Variants in CRIPTO observed in about 807,000 individuals in gnomAD.
CRIPTO encodes cripto, EGF-CFC family member.
At chr3:46,581,239 A>T in the CRIPTO span, 8 of 1,612,206 alleles carry the variant, frequency 5.0e-6, no homozygotes, top group Non-Finnish European at 5.9e-6. Context: ...TTCTATACAA[A>T]GCTACTATTA....
At chr3:46,581,049 C>T in the CRIPTO span, 174 of 993,816 alleles carry the variant, frequency 1.8e-4, 1 homozygote, top group African/African-American at 2.1e-3. Context: ...TTCACAGTAG[C>T]GTATAGATAT....
At chr3:46,578,856 T>A in the CRIPTO span, among the ~76,000 whole-genome samples, 3 of 152,164 alleles carry the variant, frequency 2.0e-5, no homozygotes, top group African/African-American at 7.2e-5. Context: ...ATTAGGTACT[T>A]ATGTGAGGAC....
the CRIPTO span, chr3:46,581,663 C>G: frequency 1.9e-6 from 1 of 513,354 alleles, no homozygotes; most frequent in African/African-American, 2.0e-5. Flanking sequence ...GCATGTGTCA[C>G]CATGCCCAGC....
At chr3:46,576,358 CTCAGGAGGTTGAG>C in the CRIPTO span, among the ~76,000 whole-genome samples, 1 of 151,508 alleles carries the variant, frequency 6.6e-6, no homozygotes. Context: ...ATCCCAGCTA[CTCAGGAGGTTGAG>C]GCAGGAGAAT....
At chr3:46,579,904 G>A in the CRIPTO span, 1 of 1,614,220 alleles carries the variant, frequency 6.2e-7, no homozygotes, top group East Asian at 2.2e-5. Context: ...AGAAAGGGAA[G>A]TGGAAATTTC....
chr3:46,578,934 C>T, the CRIPTO span, among the ~76,000 whole-genome samples: 1 of 151,368 alleles, frequency 6.6e-6, no homozygotes, highest in African/African-American at 2.4e-5. Flanking sequence ...CAACATTTTT[C>T]TTTGTTACAT....
At chr3:46,580,114 G>C in the CRIPTO span, 1 of 1,612,320 alleles carries the variant, frequency 6.2e-7, no homozygotes, top group Non-Finnish European at 8.5e-7. Flanking sequence ...TAGTTGCCTT[G>C]GGGGGTGCTT....
At chr3:46,580,898 G>T in the CRIPTO span, among the ~76,000 whole-genome samples, 1 of 152,172 alleles carries the variant, frequency 6.6e-6, no homozygotes, top group Non-Finnish European at 1.5e-5. Flanking sequence ...GTGTGGGTTG[G>T]GTGATTGGAT....
At chr3:46,580,126 G>A in the CRIPTO span, 2 of 1,605,716 alleles carry the variant, frequency 1.2e-6, no homozygotes, top group African/African-American at 2.7e-5. Context: ...GGGGTGCTTA[G>A]TTAGCAGGCT....
the CRIPTO span, chr3:46,580,226 C>G: frequency 1.2e-6 from 1 of 860,846 alleles, no homozygotes; most frequent in East Asian, 2.7e-5. Flanking sequence ...GTTGCCTTGG[C>G]CTCTTTGATA....
chr3:46,575,015 T>C, the CRIPTO span, among the ~76,000 whole-genome samples: 3 of 152,214 alleles, frequency 2.0e-5, no homozygotes, highest in East Asian at 3.9e-4. Context: ...CTGCCTGTGA[T>C]TGGGGAACCC....
chr3:46,575,847 G>A, the CRIPTO span, among the ~76,000 whole-genome samples: 29,763 of 152,154 alleles, frequency 0.2, 3,603 homozygotes, highest in South Asian at 0.3. Context: ...GGACTGGTGA[G>A]GACTGTGGTG....
At chr3:46,576,922 G>A in the CRIPTO span, among the ~76,000 whole-genome samples, 1 of 152,134 alleles carries the variant, frequency 6.6e-6, no homozygotes, top group Non-Finnish European at 1.5e-5. Context: ...AGAGTCCGGG[G>A]GTAATTCTCG....
At chr3:46,578,123 A>G in the CRIPTO span, 1 of 1,073,288 alleles carries the variant, frequency 9.3e-7, no homozygotes, top group Non-Finnish European at 1.4e-6. Flanking sequence ...AGAGCTGCCA[A>G]CCGCACTGCT....
At chr3:46,581,669 C>T in the CRIPTO span, 1 of 505,686 alleles carries the variant, frequency 2.0e-6, no homozygotes, top group Non-Finnish European at 3.4e-6. Flanking sequence ...GTCACCATGC[C>T]CAGCTAATTT....
the CRIPTO span, among the ~76,000 whole-genome samples, chr3:46,574,786 C>T: frequency 2.6e-5 from 4 of 152,172 alleles, no homozygotes; most frequent in African/African-American, 9.7e-5. Context: ...GAATTTTAGG[C>T]AGACACAGGA....
chr3:46,580,999 T>C, the CRIPTO span: 4 of 722,636 alleles, frequency 5.5e-6, no homozygotes, highest in Non-Finnish European at 1.0e-5. Context: ...GCATCACCAC[T>C]GGGCTAGGTT....
chr3:46,577,476 C>T, the CRIPTO span: 1 of 168,214 alleles, frequency 5.9e-6, no homozygotes, highest in Non-Finnish European at 1.3e-5. Context: ...AAAGCAATTA[C>T]TTTCCACCAC....
At chr3:46,576,706 G>A in the CRIPTO span, among the ~76,000 whole-genome samples, 6 of 152,188 alleles carry the variant, frequency 3.9e-5, no homozygotes, top group African/African-American at 1.2e-4. Context: ...TTAAGTAACC[G>A]TCAGGCTTTC....
Sources: allele counts gnomAD v4.1 joint callset (sites outside exome capture counted in the v4.1 genomes callset), GRCh38; gene constraint gnomAD v4.1.1; transcripts MANE v1.5; gene names NCBI Gene and HGNC (gene_info 2026-07-23, HGNC 2026-07-21).